Variants in CDYL2 observed in about 807,000 individuals in gnomAD.
The protein encoded by CDYL2 is chromodomain Y-like protein 2.
CDYL2 carries 23 observed loss-of-function variants against 49.4 expected under a neutral mutation model. The observed-to-expected ratio is 0.47, with a 90% CI of 0.34 to 0.66. CDYL2 has a LOEUF of 0.66. CDYL2 is among the 30% of genes least tolerant of loss of function. CDYL2 has a pLI of 0.01. For synonymous variants in CDYL2, 360 were observed against 268.8 expected (o/e 1.34, Z -3.32); for missense variants, 678 against 656.4 (o/e 1.03, Z -0.36).
intron 2 of CDYL2, among the ~76,000 whole-genome samples, chr16:80,652,347 T>C (rs1380282551): frequency 6.6e-6 from 1 of 152,220 alleles, no homozygotes; most frequent in African/African-American, 2.4e-5. Context: ...GAGCTGTTAA[T>C]GGCCAAAGAT....
chr16:80,704,447 G>A (rs1904335175), intron 1 of CDYL2, among the ~76,000 whole-genome samples: 1 of 152,218 alleles, frequency 6.6e-6, no homozygotes. Context: ...AACAAATGTG[G>A]CCCTCATGCT....
intron 2 of CDYL2, 102 bp from the exon 3 acceptor site, chr16:80,633,338 T>A: frequency 8.4e-7 from 1 of 1,187,542 alleles, no homozygotes; most frequent in Non-Finnish European, 1.2e-6. Flanking sequence ...GGTTTGGATG[T>A]GCTGGGACAC....
At chr16:80,716,217 C>T (rs1311834117) in intron 1 of CDYL2, among the ~76,000 whole-genome samples, 3 of 152,258 alleles carry the variant, frequency 2.0e-5, no homozygotes, top group African/African-American at 4.8e-5. Context: ...TGGCTCCCCA[C>T]ACTAAGATTC....
intron 1 of CDYL2, among the ~76,000 whole-genome samples, chr16:80,781,277 C>G (rs1597130895): frequency 6.6e-6 from 1 of 152,044 alleles, no homozygotes; most frequent in East Asian, 1.9e-4. Flanking sequence ...TCCTATAACC[C>G]AACCAAATAA....
At chr16:80,719,588 G>A (rs141282907) in intron 1 of CDYL2, among the ~76,000 whole-genome samples, 167 of 152,212 alleles carry the variant, frequency 1.1e-3, no homozygotes, top group Non-Finnish European at 1.5e-3. Flanking sequence ...CCATCACATG[G>A]GGCCTAGCCA....
At position 80,680,926 on chromosome 16, in the gene CDYL2, G is replaced by T. The variant is rs35732345; in HGVS notation, c.616+3612C>A. On this transcript the variant is annotated intron_variant, in intron 2 of 6. Coordinates refer to ENST00000570137, the MANE Select transcript of CDYL2 (RefSeq NM_152342.4). ...CTCCCCAAGAGATACTGAGGCAGATGGGCCCCGGACCACAAAGCCAGTACT... is the reference window on the plus strand; with the variant it reads ...CTCCCCAAGAGATACTGAGGCAGATTGGCCCCGGACCACAAAGCCAGTACT... 3.3e-5 allele frequency among the ~76,000 whole-genome samples: 5 copies of T among 151,920 alleles called. No homozygotes were observed. The East Asian group carries it at 7.8e-4, about 24-fold the overall frequency.
At chr16:80,794,517 T>C (rs775858156) in intron 1 of CDYL2, among the ~76,000 whole-genome samples, 1 of 151,292 alleles carries the variant, frequency 6.6e-6, no homozygotes, top group Admixed American at 6.6e-5. Context: ...TTTTAACATA[T>C]GGAAAACTTC....
At chr16:80,655,687 G>C (rs960371044) in intron 2 of CDYL2, among the ~76,000 whole-genome samples, 7 of 152,172 alleles carry the variant, frequency 4.6e-5, no homozygotes, top group Non-Finnish European at 7.3e-5. Flanking sequence ...GATAAACTTA[G>C]AAAGATGCAA....
chr16:80,784,898 A>C (rs150240079), intron 1 of CDYL2, among the ~76,000 whole-genome samples: 1 of 152,306 alleles, frequency 6.6e-6, no homozygotes, highest in African/African-American at 2.4e-5. Flanking sequence ...TTTAGGGCTC[A>C]AAAGGGTAAG....
Position 80,719,735 on chromosome 16 carries a change from G to A in CDYL2, c.25-34606C>T, listed in dbSNP as rs995987616. Among the ~76,000 whole-genome samples, 13 of 152,300 alleles carry A rather than the reference G, an allele frequency of 8.5e-5. No individual in the cohort carries two copies. The East Asian group carries it at 2.5e-3, about 29-fold the overall frequency. On this transcript the variant is annotated intron_variant, in intron 1 of 6. Transcript: ENST00000570137. ...CCCAGACACAGTGGCAGGAAACAAGGAGGCTGTCGCCACCAAGCTTCACAC... is the reference window on the plus strand; with the variant it reads ...CCCAGACACAGTGGCAGGAAACAAGAAGGCTGTCGCCACCAAGCTTCACAC...
intron 2 of CDYL2, among the ~76,000 whole-genome samples, chr16:80,646,473 A>G (rs1169681446): frequency 2.6e-5 from 4 of 152,188 alleles, no homozygotes; most frequent in East Asian, 1.9e-4. Context: ...CTCTTCAATC[A>G]AAAGACAGAG....
intron 2 of CDYL2, among the ~76,000 whole-genome samples, chr16:80,682,697 C>A (rs1298264585): frequency 6.6e-6 from 1 of 152,174 alleles, no homozygotes; most frequent in African/African-American, 2.4e-5. Context: ...TGCCCCTGCA[C>A]CCAAAGGGCC....
intron 2 of CDYL2, among the ~76,000 whole-genome samples, chr16:80,644,956 ATCCCT>A (rs1908268973): frequency 6.6e-6 from 1 of 152,158 alleles, no homozygotes; most frequent in African/African-American, 2.4e-5. Context: ...CTGAAACTGG[ATCCCT>A]TCCTTACACC....
At chr16:80,637,427 A>T (rs1013418924) in intron 2 of CDYL2, among the ~76,000 whole-genome samples, 1 of 152,196 alleles carries the variant, frequency 6.6e-6, no homozygotes, top group African/African-American at 2.4e-5. Flanking sequence ...AGGGAAATAA[A>T]AGTATATAAA....
intron 2 of CDYL2, among the ~76,000 whole-genome samples, chr16:80,668,978 C>T (rs1364376371): frequency 1.3e-5 from 2 of 151,592 alleles, no homozygotes; most frequent in Non-Finnish European, 2.9e-5. Flanking sequence ...TTACAACTCA[C>T]CTATTTGTAA....
chr16:80,601,954 T>A lies in CDYL2; in HGVS notation c.*2434A>T, dbSNP rs768301780. Reference sequence around the variant, plus strand: ...ATTTCTAGTTCTTTCAAGCAGGGAATGAAGGTGGACACTGATCTAAAGGAA... The same window carrying A: ...ATTTCTAGTTCTTTCAAGCAGGGAAAGAAGGTGGACACTGATCTAAAGGAA... On this transcript the variant is annotated 3_prime_UTR_variant, in exon 7 of 7. Coordinates refer to ENST00000570137, the MANE Select transcript of CDYL2 (RefSeq NM_152342.4). 5 of 152,208 alleles carry A rather than the reference T, an allele frequency of 3.3e-5. No homozygotes were observed. Among genetic ancestry groups the A allele is most frequent in the Non-Finnish European group, 5.9e-5 (4 of 68,036 alleles). The allele number at this position is 152,208 out of a possible 1,614,324, so 9.4% of individuals were successfully genotyped here.
At chr16:80,799,135 C>T (rs923132906) in intron 1 of CDYL2, among the ~76,000 whole-genome samples, 1 of 151,800 alleles carries the variant, frequency 6.6e-6, no homozygotes, top group South Asian at 2.1e-4. Context: ...AGAAAACAAA[C>T]CCAGTCCTAC....
At chr16:80,671,103 C>G (rs563566114) in intron 2 of CDYL2, among the ~76,000 whole-genome samples, 159 of 152,262 alleles carry the variant, frequency 1.0e-3, no homozygotes, top group Non-Finnish European at 1.8e-3. Flanking sequence ...AATCTCTTTT[C>G]TTTGATGTTT....
intron 2 of CDYL2, among the ~76,000 whole-genome samples, chr16:80,662,447 A>G (rs1379412858): frequency 1.3e-5 from 2 of 152,118 alleles, no homozygotes; most frequent in South Asian, 2.1e-4. Context: ...ATTCTTCCAG[A>G]GCAGTGCATC....
Sources: gnomAD v4.1 joint callset for allele counts (sites outside exome capture counted in the v4.1 genomes callset) on GRCh38, gnomAD v4.1.1 for gene constraint, MANE v1.5 for transcripts, NCBI Gene and HGNC (gene_info 2026-07-23, HGNC 2026-07-21) for gene names.